The following ENOX1 variants were observed in gnomAD, a reference collection of about 807,000 sequenced individuals.
ENOX1 encodes candidate growth-related and time keeping constitutive hydroquinone (NADH) oxidase.
Under a neutral mutation model 82.5 loss-of-function variants are expected in ENOX1, and 42 were observed. That is an observed-to-expected ratio of 0.51 (90% CI 0.40 to 0.66). The LOEUF (loss-of-function observed/expected upper bound fraction) is 0.66, where lower values mean the gene tolerates loss of function less well. Among genes scored for constraint, ENOX1 ranks in the 30% least tolerant of loss-of-function variants. The pLI is 0.00. For missense variants in ENOX1, 608 were observed against 811.6 expected, an observed-to-expected ratio of 0.75 and a Z score of 3.05; for synonymous variants, 271 against 282.2, an observed-to-expected ratio of 0.96 and a Z score of 0.40.
At chr13:43,360,875 C>T (rs976067254) in intron 6 of ENOX1, among the ~76,000 whole-genome samples, 42 of 152,312 alleles carry the variant, frequency 2.8e-4, no homozygotes, top group African/African-American at 9.4e-4. Context: ...CTCTCCCCAG[C>T]CCCCAAATTG....
intron 2 of ENOX1, chr13:43,609,941 T>A (rs1296146461): frequency 1.0e-6 from 1 of 977,614 alleles, no homozygotes; most frequent in Non-Finnish European, 1.2e-6. Flanking sequence ...CAAGATAAAT[T>A]AATCTTTGGT....
chr13:43,631,877 T>C (rs2083231122), intron 2 of ENOX1, among the ~76,000 whole-genome samples: 1 of 152,210 alleles, frequency 6.6e-6, no homozygotes, highest in South Asian at 2.1e-4. Flanking sequence ...TGGCTTGTTG[T>C]ATACTACCTT....
intron 12 of ENOX1, among the ~76,000 whole-genome samples, chr13:43,285,505 C>T (rs1467209048): frequency 1.3e-5 from 2 of 152,002 alleles, no homozygotes; most frequent in African/African-American, 4.8e-5. Context: ...AGGAAAACTG[C>T]TACTCCCACC....
At chr13:43,559,527 T>C (rs6561129) in intron 2 of ENOX1, among the ~76,000 whole-genome samples, 147,962 of 152,270 alleles carry the variant, frequency 0.97, 72,033 homozygotes, top group East Asian at 1. Context: ...GCAGATTAGA[T>C]GACTTCTGAA....
intron 2 of ENOX1, among the ~76,000 whole-genome samples, chr13:43,584,555 C>T (rs2080892421): frequency 1.3e-5 from 2 of 152,130 alleles, no homozygotes; most frequent in Admixed American, 1.3e-4. Context: ...TAGGTTAGAA[C>T]AGTACAAAAA....
chr13:43,259,357 C>T (rs2043926733), intron 14 of ENOX1, among the ~76,000 whole-genome samples: 1 of 152,160 alleles, frequency 6.6e-6, no homozygotes, highest in African/African-American at 2.4e-5. Flanking sequence ...AGGTCAAGGG[C>T]AGCAAGGAGG....
At chr13:43,357,311 C>A (rs9316016) in intron 7 of ENOX1, among the ~76,000 whole-genome samples, 126,724 of 152,024 alleles carry the variant, frequency 0.83, 52,930 homozygotes, top group South Asian at 0.94. Flanking sequence ...TGGGGATAAA[C>A]CTCAGCTGAA....
At position 43,544,937 on chromosome 13, in the gene ENOX1, C is replaced by T. The variant is rs142685959; in HGVS notation, c.-218-60785G>A. ...AACAGTGGTTTTGCTCTGAAACCAG[C>T]CTGACAAACTATATTGAACACAGAG... On this transcript the variant is annotated intron_variant, in intron 2 of 16. Transcript: ENST00000690772. The T allele has an allele frequency of 4.1e-4, 62 of 152,280 alleles. No homozygotes were observed. In the East Asian group the frequency reaches 0.012, roughly 28 times the overall value. 9.4% of individuals were successfully genotyped at this position (152,280 alleles called of 1,614,324 possible).
At chr13:43,320,379 A>G (rs1593912024) in intron 11 of ENOX1, among the ~76,000 whole-genome samples, 2 of 152,188 alleles carry the variant, frequency 1.3e-5, no homozygotes, top group African/African-American at 4.8e-5. Flanking sequence ...TGACCAAGTA[A>G]CAAGACTGGT....
intron 2 of ENOX1, among the ~76,000 whole-genome samples, chr13:43,531,389 A>T (rs534326160): frequency 1.3e-5 from 2 of 152,104 alleles, no homozygotes; most frequent in African/African-American, 4.8e-5. Flanking sequence ...ATCTCACACC[A>T]GTTAGAATGG....
chr13:43,614,319 G>T (rs1410942), intron 2 of ENOX1, among the ~76,000 whole-genome samples: 13,928 of 152,166 alleles, frequency 0.092, 736 homozygotes, highest in Middle Eastern at 0.15. Flanking sequence ...TGGACAGGCT[G>T]CCTGCTGAAA....
chr13:43,351,101 T>C (rs917681724), intron 8 of ENOX1, among the ~76,000 whole-genome samples: 1 of 152,246 alleles, frequency 6.6e-6, no homozygotes, highest in East Asian at 1.9e-4. Flanking sequence ...CAGAGTCATC[T>C]AAGCAGATTT....
chr13:43,572,798 C>T (rs1177668449), intron 2 of ENOX1, among the ~76,000 whole-genome samples: 1 of 152,200 alleles, frequency 6.6e-6, no homozygotes, highest in East Asian at 1.9e-4. Context: ...CCACAGCTTT[C>T]AGCTGTAATC....
At chr13:43,449,527 T>C (rs1481359462) in intron 3 of ENOX1, among the ~76,000 whole-genome samples, 1 of 152,246 alleles carries the variant, frequency 6.6e-6, no homozygotes, top group Non-Finnish European at 1.5e-5. Flanking sequence ...CCTTTTCTAA[T>C]ATTTTGAATT....
intron 2 of ENOX1, among the ~76,000 whole-genome samples, chr13:43,530,143 A>T (rs1224119477): frequency 6.6e-6 from 1 of 152,136 alleles, no homozygotes. Context: ...CAATGTTCAT[A>T]GTATTTCAAA....
At chr13:43,733,771 T>A (rs1313695058) in intron 1 of ENOX1, among the ~76,000 whole-genome samples, 1 of 152,188 alleles carries the variant, frequency 6.6e-6, no homozygotes, top group Non-Finnish European at 1.5e-5. Context: ...TACCTGTGAA[T>A]CTGACTTTAT....
Position 43,673,118 on chromosome 13 carries a change from T to TA in ENOX1, c.-284-5575dup, listed in dbSNP as rs895071120. Among the ~76,000 whole-genome samples the TA allele has an allele frequency of 1.1e-4, 17 of 152,026 alleles. No individual in the cohort carries two copies. The South Asian group carries it at 1.3e-3, about 11-fold the overall frequency. On this transcript the variant is annotated intron_variant, in intron 1 of 16. Transcript: ENST00000690772. ...TACAGAAAAGATAAACCTATTTTTT[T>TA]AAAAAAAGCAGGTTTTTAAAAACCT...
At chr13:43,777,540 ATTTC>A (rs1279914476) in intron 1 of ENOX1, among the ~76,000 whole-genome samples, 241 of 132,754 alleles carry the variant, frequency 1.8e-3, no homozygotes, top group African/African-American at 5.4e-3. Flanking sequence ...TCTCTGTATT[ATTTC>A]TTTTTTTTTT....
chr13:43,644,760 G>A (rs2083815545), intron 2 of ENOX1, among the ~76,000 whole-genome samples: 3 of 152,288 alleles, frequency 2.0e-5, no homozygotes, highest in Admixed American at 2.0e-4. Flanking sequence ...TTAGGAATTG[G>A]CAGAGTTGGA....
Sources: gnomAD v4.1 joint callset for allele counts (sites outside exome capture counted in the v4.1 genomes callset) on GRCh38, gnomAD v4.1.1 for gene constraint, MANE v1.5 for transcripts, NCBI Gene and HGNC (gene_info 2026-07-23, HGNC 2026-07-21) for gene names.